The following ERICH5 variants were observed in gnomAD, a reference collection of about 807,000 sequenced individuals.
ERICH5 encodes the protein glutamate rich 5, also known as glutamate-rich protein 5.
ERICH5 carries 24 observed loss-of-function variants against 28.0 expected under a neutral mutation model. That is an observed-to-expected ratio of 0.86 (90% CI 0.62 to 1.21). ERICH5 has a LOEUF of 1.21. Among genes scored for constraint, ERICH5 ranks in the 50% most tolerant of loss-of-function variants. ERICH5 has a pLI of 0.00. For missense variants in ERICH5, 421 were observed against 441.2 expected (o/e 0.95, Z 0.41); for synonymous variants, 163 against 157.6 (o/e 1.03, Z -0.25).
In ERICH5 at chr8:98,091,949, C is replaced by CTTCCTTTCTTTCTTTCTTCT. The variant is rs1554621752; in HGVS notation, c.1013-1269_1013-1268insCTTTCTTTCTTTCTTCTTTC. 5.9e-5 allele frequency among the ~76,000 whole-genome samples: 6 copies of CTTCCTTTCTTTCTTTCTTCT among 102,004 alleles called. 1 individual carries two copies. Among genetic ancestry groups the CTTCCTTTCTTTCTTTCTTCT allele is most frequent in the Non-Finnish European group, 1.1e-4 (6 of 52,264 alleles). The allele number at this position is 102,004 out of a possible 152,430, so 66.9% of individuals were successfully genotyped here. A position where few individuals can be genotyped will look rare whatever the true frequency, so the allele number is the denominator to read the frequency against. The stretch of plus-strand genomic sequence containing the variant: ...TCTTTCTTTCTTCCTTTCTTTCTTT[C>CTTCCTTTCTTTCTTTCTTCT]TTCTTTCTTTCTTTTTTCTTTCTTT... On this transcript the variant is annotated intron_variant, in intron 2 of 2. Coordinates refer to ENST00000318528, the MANE Select transcript of ERICH5 (RefSeq NM_173549.3).
At chr8:98,066,637 A>C (rs1171925576) in intron 1 of ERICH5, among the ~76,000 whole-genome samples, 1 of 152,216 alleles carries the variant, frequency 6.6e-6, no homozygotes, top group African/African-American at 2.4e-5. Flanking sequence ...GAGATGTTAA[A>C]ATGCCTGACA....
intron 1 of ERICH5, among the ~76,000 whole-genome samples, chr8:98,072,135 A>G (rs1170066597): frequency 6.6e-6 from 1 of 152,148 alleles, no homozygotes; most frequent in Non-Finnish European, 1.5e-5. Context: ...GCTGGAGTGC[A>G]TGATTTAGTA....
chr8:98,088,746 T>C (rs1238366196), intron 1 of ERICH5, among the ~76,000 whole-genome samples: 1 of 152,174 alleles, frequency 6.6e-6, no homozygotes, highest in East Asian at 1.9e-4. Context: ...GAGGAGAAAG[T>C]GTGAGACAAG....
Position 98,064,642 on chromosome 8 carries a change from G to A in ERICH5, c.-28G>A, listed in dbSNP as rs993975883. 4 of 1,510,414 alleles carry A rather than the reference G, an allele frequency of 2.6e-6. No homozygotes were observed. The African/African-American group carries it at 5.6e-5, about 21-fold the overall frequency. The allele number at this position is 1,510,414 out of a possible 1,614,324, so 93.6% of individuals were successfully genotyped here. A position where few individuals can be genotyped will look rare whatever the true frequency, so the allele number is the denominator to read the frequency against. ...GGTTCCGGGCCGACACCCGCGCAGG[G>A]CTGAGACAGGTGTCTGCGCTCCCCG... On this transcript the variant is annotated 5_prime_UTR_variant, in exon 1 of 3. Transcript: ENST00000318528.
At chr8:98,086,065 C>T (rs377431397) in intron 1 of ERICH5, among the ~76,000 whole-genome samples, 16 of 151,996 alleles carry the variant, frequency 1.1e-4, no homozygotes, top group East Asian at 7.7e-4. Flanking sequence ...AAAGCATCTT[C>T]GGAGGTGTTG....
chr8:98,085,159 T>A (rs1815251540), intron 1 of ERICH5, among the ~76,000 whole-genome samples: 1 of 93,046 alleles, frequency 1.1e-5, no homozygotes, highest in African/African-American at 4.6e-5. Flanking sequence ...TTTTTTTTTT[T>A]TTTTTTTTTT....
intron 1 of ERICH5, among the ~76,000 whole-genome samples, chr8:98,079,747 C>G (rs1273162857): frequency 2.0e-5 from 3 of 152,140 alleles, no homozygotes; most frequent in Non-Finnish European, 4.4e-5. Context: ...ACCATGTTGG[C>G]CAGTCTGGTC....
chr8:98,093,487 G>T lies in ERICH5; in HGVS notation c.*154G>T. ...TTGGAACCATGAGAAGGATGTTTCTGTGTTCTTGATTATATTGTTCTGCAA... is the reference window on the plus strand; with the variant it reads ...TTGGAACCATGAGAAGGATGTTTCTTTGTTCTTGATTATATTGTTCTGCAA... On this transcript the variant is annotated 3_prime_UTR_variant, in exon 3 of 3. Coordinates refer to ENST00000318528, the MANE Select transcript of ERICH5 (RefSeq NM_173549.3). The T allele has an allele frequency of 1.9e-6, 1 of 513,768 alleles. No individual in the cohort carries two copies. The highest frequency in any genetic ancestry group is 3.4e-6 in the Non-Finnish European group (1 of 292,040). 31.8% of individuals were successfully genotyped at this position (513,768 alleles called of 1,614,324 possible).
intron 1 of ERICH5, among the ~76,000 whole-genome samples, chr8:98,071,092 C>T (rs1332544800): frequency 1.1e-4 from 16 of 152,008 alleles, no homozygotes; most frequent in African/African-American, 1.9e-4. Flanking sequence ...GGTGAAACCC[C>T]GTCTCTACTA....
At chr8:98,077,676 T>C (rs1261253162) in intron 1 of ERICH5, among the ~76,000 whole-genome samples, 1 of 152,182 alleles carries the variant, frequency 6.6e-6, no homozygotes, top group Admixed American at 6.5e-5. Flanking sequence ...GTTCAACAAT[T>C]GTTCCAAGAG....
rs992333449 is a variant in ERICH5 at position 98,078,670 on chromosome 8, G to A, written c.59-10406G>A. 4.6e-5 allele frequency among the ~76,000 whole-genome samples: 7 copies of A among 152,050 alleles called. No homozygotes were observed. The South Asian group carries it at 8.3e-4, about 18-fold the overall frequency. On this transcript the variant is annotated intron_variant, in intron 1 of 2. Coordinates refer to ENST00000318528, the MANE Select transcript of ERICH5 (RefSeq NM_173549.3). ...AGTTTCTTTGTGTGCTTATCACAAC[G>A]GTGCTTATAACAAGGGTTCTGTTAG... is the stretch of plus-strand genomic sequence containing the variant.
intron 1 of ERICH5, among the ~76,000 whole-genome samples, chr8:98,079,166 C>CTTTTT (rs528062932): frequency 1.3e-4 from 10 of 75,576 alleles, no homozygotes; most frequent in African/African-American, 2.8e-4. Flanking sequence ...TTTTTTTTTC[C>CTTTTT]TTTTTTTTTT....
At position 98,089,503 on chromosome 8, in the gene ERICH5, GGCA is replaced by G. The variant is rs766434641; in HGVS notation, c.491_493del (p.Ala164del). On this transcript the variant is annotated inframe_deletion, in exon 2 of 3. Transcript: ENST00000318528. ...CAGAAGCCAAGGGTCAGCCTTTGCAGGCAGCAGTAGAGAAGGACTCTCTCAGAG... is the reference window on the plus strand; with the variant it reads ...CAGAAGCCAAGGGTCAGCCTTTGCAGGCAGTAGAGAAGGACTCTCTCAGAG... The G allele has an allele frequency of 6.2e-7, 1 of 1,614,190 alleles. No homozygotes were observed. The highest frequency in any genetic ancestry group is 1.1e-5 in the South Asian group (1 of 91,082).
intron 1 of ERICH5, among the ~76,000 whole-genome samples, chr8:98,070,334 G>T (rs1814889930): frequency 1.3e-5 from 2 of 152,018 alleles, no homozygotes; most frequent in African/African-American, 4.8e-5. Flanking sequence ...CTCCAGCCTG[G>T]GCAACACAGT....
intron 1 of ERICH5, among the ~76,000 whole-genome samples, chr8:98,073,491 T>A (rs1273598452): frequency 0.012 from 44 of 3,668 alleles, 10 homozygotes; most frequent in African/African-American, 0.055. Flanking sequence ...TATATGTATA[T>A]ATATATATAT....
rs759555054 is a variant in ERICH5, at chr8:98,089,968, A to C, written c.951A>C (p.Ala317=). The C allele has an allele frequency of 2.5e-6, 4 of 1,614,206 alleles. No homozygotes were observed. Among genetic ancestry groups the C allele is most frequent in the Non-Finnish European group, 3.4e-6 (4 of 1,180,042 alleles). The change falls in exon 2 of 3, where the codon GCA becomes GCC. Residue 317 remains alanine, a synonymous_variant. Coordinates refer to ENST00000318528, the MANE Select transcript of ERICH5 (RefSeq NM_173549.3). ...AGCATCCAGCACGAAATGTAGAGGC[A>C]GGAGCATATGTGGAAATGATCAGGA... ...SMEHPARNVE[A]GAYVEMIRNI... is the part of the protein sequence containing the mutation.
In ERICH5 at chr8:98,085,203, C is replaced by T. The variant is rs1815252825; in HGVS notation, c.59-3873C>T. Among the ~76,000 whole-genome samples the T allele has an allele frequency of 4.6e-5, 5 of 109,888 alleles. No individual in the cohort carries two copies. In the Admixed American group the frequency reaches 7.1e-4, roughly 16 times the overall value. The allele number at this position is 109,888 out of a possible 152,430, so 72.1% of individuals were successfully genotyped here. ...TGAGACGGAGTCTTACTCTGTCGCC[C>T]AGGCTGGAGTGCAGTGACGCGATCT... On this transcript the variant is annotated intron_variant, in intron 1 of 2. Transcript: ENST00000318528.
At chr8:98,067,204 A>G (rs1393281345) in intron 1 of ERICH5, among the ~76,000 whole-genome samples, 1 of 152,148 alleles carries the variant, frequency 6.6e-6, no homozygotes, top group African/African-American at 2.4e-5. Flanking sequence ...GGAGGCTGAT[A>G]TGAGAGGATT....
At chr8:98,067,635 GA>G (rs1213407431) in intron 1 of ERICH5, among the ~76,000 whole-genome samples, 1 of 148,200 alleles carries the variant, frequency 6.7e-6, no homozygotes, top group East Asian at 2.0e-4. Flanking sequence ...TTTTTTTTGA[GA>G]CGGCATTTCG....
Sources: gnomAD v4.1 joint callset for allele counts (sites outside exome capture counted in the v4.1 genomes callset) on GRCh38, gnomAD v4.1.1 for gene constraint, MANE v1.5 for transcripts, NCBI Gene and HGNC (gene_info 2026-07-23, HGNC 2026-07-21) for gene names.